The following ARHGAP24 variants were observed in gnomAD, a reference collection of about 807,000 sequenced individuals.
The protein encoded by ARHGAP24 is rho GTPase-activating protein 24.
A neutral mutation model predicts 76.4 loss-of-function variants in ARHGAP24; 50 were observed. The observed-to-expected ratio is 0.65, with a 90% CI of 0.52 to 0.83. The LOEUF (loss-of-function observed/expected upper bound fraction) is 0.83, where lower values mean the gene tolerates loss of function less well. ARHGAP24 is among the 40% of genes least tolerant of loss of function. The pLI, the probability that ARHGAP24 is intolerant of heterozygous loss-of-function variation, is 0.00. For missense variants in ARHGAP24, 930 were observed against 914.2 expected, an observed-to-expected ratio of 1.02 and a Z score of -0.22; for synonymous variants, 345 against 323.3, an observed-to-expected ratio of 1.07 and a Z score of -0.72.
At chr4:85,837,654 C>T (rs555747687) in intron 3 of ARHGAP24, among the ~76,000 whole-genome samples, 1 of 152,116 alleles carries the variant, frequency 6.6e-6, no homozygotes, top group Non-Finnish European at 1.5e-5. Context: ...GGGGTGGGGA[C>T]TTGAAATGAC....
intron 2 of ARHGAP24, among the ~76,000 whole-genome samples, chr4:85,634,362 A>G (rs1055287454): frequency 1.3e-5 from 2 of 151,906 alleles, no homozygotes; most frequent in Non-Finnish European, 2.9e-5. Context: ...TCATGATAAT[A>G]ACAAACATAG....
At chr4:85,715,850 G>A (rs926918512) in intron 2 of ARHGAP24, among the ~76,000 whole-genome samples, 9 of 151,950 alleles carry the variant, frequency 5.9e-5, no homozygotes, top group South Asian at 4.2e-4. Flanking sequence ...CTAAGACAGG[G>A]CCTCAGACTT....
intron 2 of ARHGAP24, among the ~76,000 whole-genome samples, chr4:85,683,192 G>C (rs1723292026): frequency 6.7e-6 from 1 of 148,718 alleles, no homozygotes; most frequent in Non-Finnish European, 1.5e-5. Context: ...AAACATGGCA[G>C]TTCTTATAAA....
intron 3 of ARHGAP24, among the ~76,000 whole-genome samples, chr4:85,900,895 G>A (rs915700814): frequency 3.3e-5 from 5 of 152,294 alleles, no homozygotes; most frequent in Non-Finnish European, 7.4e-5. Context: ...AGCAGAAAAG[G>A]ATGGGTTCTT....
chr4:85,507,229 AT>A (rs950295857), intron 1 of ARHGAP24, among the ~76,000 whole-genome samples: 18 of 150,110 alleles, frequency 1.2e-4, no homozygotes, highest in Non-Finnish European at 2.2e-4. Context: ...TATTATTATT[AT>A]TTTTTTTTAG....
chr4:85,563,428 C>CA (rs1553914759), intron 1 of ARHGAP24, among the ~76,000 whole-genome samples: 1 of 152,158 alleles, frequency 6.6e-6, no homozygotes, highest in Non-Finnish European at 1.5e-5. Context: ...GCTGTGTGCT[C>CA]ACATGAGCTC....
intron 2 of ARHGAP24, among the ~76,000 whole-genome samples, chr4:85,683,100 C>G: frequency 4.4e-5 from 1 of 22,694 alleles, no homozygotes; most frequent in Non-Finnish European, 8.3e-5. Flanking sequence ...TCTTAACTCT[C>G]TCAGTGTGTG....
chr4:85,627,989 A>T (rs912771544), intron 2 of ARHGAP24, among the ~76,000 whole-genome samples: 1 of 152,154 alleles, frequency 6.6e-6, no homozygotes, highest in Non-Finnish European at 1.5e-5. Flanking sequence ...CCTGTCTTTG[A>T]CTAGGAAAGG....
In ARHGAP24 at chr4:85,923,530, G is replaced by A. The variant is rs367822221; in HGVS notation, c.269-118G>A. ...AACCATGGTAAATATTTCATCATTGGGTAGAACTTAGTGCGGGCTGTATTA... is the reference window on the plus strand; with the variant it reads ...AACCATGGTAAATATTTCATCATTGAGTAGAACTTAGTGCGGGCTGTATTA... On this transcript the variant is annotated intron_variant, in intron 3 of 9. Coordinates refer to ENST00000395184, the MANE Select transcript of ARHGAP24 (RefSeq NM_001025616.3). The A allele has an allele frequency of 9.3e-6, 13 of 1,395,720 alleles. No homozygotes were observed. The African/African-American group carries it at 1.8e-4, about 20-fold the overall frequency. The allele number at this position is 1,395,720 out of a possible 1,614,324, so 86.5% of individuals were successfully genotyped here. A position where few individuals can be genotyped will look rare whatever the true frequency, so the allele number is the denominator to read the frequency against.
chr4:85,509,048 G>A (rs1249897329), intron 1 of ARHGAP24, among the ~76,000 whole-genome samples: 1 of 151,800 alleles, frequency 6.6e-6, no homozygotes, highest in Non-Finnish European at 1.5e-5. Context: ...CTATGCCATG[G>A]ATTTACCACT....
intron 1 of ARHGAP24, among the ~76,000 whole-genome samples, chr4:85,495,416 T>C (rs1381631986): frequency 7.1e-6 from 1 of 140,438 alleles, no homozygotes; most frequent in Non-Finnish European, 1.5e-5. Context: ...AGTGGCGCGA[T>C]CTCGGCTCAC....
chr4:85,503,973 T>C (rs1301255865), intron 1 of ARHGAP24, among the ~76,000 whole-genome samples: 1 of 152,242 alleles, frequency 6.6e-6, no homozygotes, highest in Admixed American at 6.5e-5. Context: ...TTTAGTTATT[T>C]ACCCAGTAGT....
At chr4:85,572,832 G>T (rs1484017490) in intron 2 of ARHGAP24, among the ~76,000 whole-genome samples, 1 of 149,428 alleles carries the variant, frequency 6.7e-6, no homozygotes, top group Non-Finnish European at 1.5e-5. Flanking sequence ...GATTAATAAA[G>T]CAGTTAAAAT....
intron 2 of ARHGAP24, among the ~76,000 whole-genome samples, chr4:85,713,165 G>A (rs1724592494): frequency 6.6e-6 from 1 of 152,186 alleles, no homozygotes; most frequent in South Asian, 2.1e-4. Flanking sequence ...AGGCGTGGTG[G>A]CATGCACCTG....
intron 1 of ARHGAP24, among the ~76,000 whole-genome samples, chr4:85,512,740 A>G (rs1460721465): frequency 1.3e-5 from 2 of 152,246 alleles, no homozygotes; most frequent in African/African-American, 2.4e-5. Context: ...GTTAATTTAC[A>G]TGTAACAAAT....
intron 3 of ARHGAP24, among the ~76,000 whole-genome samples, chr4:85,866,220 G>A (rs1366982351): frequency 6.6e-6 from 1 of 152,086 alleles, no homozygotes; most frequent in African/African-American, 2.4e-5. Context: ...TTTATCACTT[G>A]TCTAAACATA....
chr4:85,785,543 T>TA (rs1424435451), intron 3 of ARHGAP24, among the ~76,000 whole-genome samples: 1 of 151,772 alleles, frequency 6.6e-6, no homozygotes, highest in African/African-American at 2.4e-5. Context: ...AAAACAGATT[T>TA]TTTTTCTTTT....
chr4:85,926,018 C>T (rs549809133), intron 4 of ARHGAP24, among the ~76,000 whole-genome samples: 58 of 151,088 alleles, frequency 3.8e-4, no homozygotes, highest in African/African-American at 1.3e-3. Flanking sequence ...ATTTTCTCCC[C>T]TTTCTCCTCT....
At chr4:85,930,616 G>A (rs1332738141) in intron 4 of ARHGAP24, 9 of 1,073,212 alleles carry the variant, frequency 8.4e-6, no homozygotes, top group Non-Finnish European at 1.0e-5. Context: ...GAATGGGAAT[G>A]GTAGCTTGCT....
Sources: allele counts gnomAD v4.1 joint callset (sites outside exome capture counted in the v4.1 genomes callset), GRCh38; gene constraint gnomAD v4.1.1; transcripts MANE v1.5; gene names NCBI Gene and HGNC (gene_info 2026-07-23, HGNC 2026-07-21).